The following FGD6 variants were observed in gnomAD, a reference collection of about 807,000 sequenced individuals.
The protein encoded by FGD6 is FYVE, RhoGEF and PH domain-containing protein 6.
FGD6 carries 90 observed loss-of-function variants against 149.4 expected under a neutral mutation model. The observed-to-expected ratio is 0.60, with a 90% confidence interval of 0.51 to 0.72. The LOEUF (loss-of-function observed/expected upper bound fraction) is 0.72. FGD6 is among the 30% of genes least tolerant of loss of function. FGD6 has a pLI of 0.00. For missense variants in FGD6, 1,437 were observed against 1,684.8 expected, an observed-to-expected ratio of 0.85 and a Z score of 2.57; for synonymous variants, 527 against 584.0, an observed-to-expected ratio of 0.90 and a Z score of 1.41.
intron 2 of FGD6, among the ~76,000 whole-genome samples, chr12:95,182,140 A>G (rs934904008): frequency 5.9e-5 from 9 of 151,826 alleles, no homozygotes; most frequent in Admixed American, 3.9e-4. Context: ...GCCATTAGAA[A>G]TAAATAATGA....
At chr12:95,180,917 T>C (rs1881264239) in intron 2 of FGD6, among the ~76,000 whole-genome samples, 2 of 151,996 alleles carry the variant, frequency 1.3e-5, no homozygotes, top group South Asian at 4.1e-4. Context: ...ATTAAAGATA[T>C]TTTCTCCTGT....
chr12:95,194,761 G>C (rs890127441), intron 2 of FGD6, among the ~76,000 whole-genome samples: 3 of 152,128 alleles, frequency 2.0e-5, no homozygotes, highest in Non-Finnish European at 4.4e-5. Flanking sequence ...CTAAAGATCA[G>C]TGTGGATTCT....
intron 19 of FGD6, among the ~76,000 whole-genome samples, chr12:95,085,300 T>C (rs1877824427): frequency 1.3e-5 from 2 of 148,398 alleles, no homozygotes; most frequent in South Asian, 4.3e-4. Context: ...CTGCAACCTC[T>C]GCCTCCCGGG....
intron 15 of FGD6, 36 bp from the exon 16 acceptor site, chr12:95,092,881 C>A: frequency 1.3e-6 from 2 of 1,573,282 alleles, no homozygotes; most frequent in South Asian, 2.3e-5. Context: ...TATCTCCATG[C>A]ACACTGCCTG....
At chr12:95,085,426 C>G (rs1456256718) in intron 19 of FGD6, 1 of 229,338 alleles carries the variant, frequency 4.4e-6, no homozygotes, top group African/African-American at 2.3e-5. Context: ...TAGTCTCGAA[C>G]TCCTGACCTC....
chr12:95,166,987 G>T (rs1025067137), intron 3 of FGD6, among the ~76,000 whole-genome samples: 1 of 151,258 alleles, frequency 6.6e-6, no homozygotes, highest in Non-Finnish European at 1.5e-5. Context: ...CTCCCAAGTA[G>T]CTGGAATTAC....
chr12:95,191,730 C>A (rs1158390893), intron 2 of FGD6, among the ~76,000 whole-genome samples: 1 of 152,062 alleles, frequency 6.6e-6, no homozygotes, highest in Admixed American at 6.6e-5. Context: ...CATATATCCT[C>A]CTGTATACTT....
At chr12:95,181,931 G>A (rs1200054039) in intron 2 of FGD6, among the ~76,000 whole-genome samples, 7 of 142,948 alleles carry the variant, frequency 4.9e-5, no homozygotes, top group South Asian at 2.2e-4. Context: ...GAGACACAGC[G>A]AGATTCTCTC....
intron 2 of FGD6, among the ~76,000 whole-genome samples, chr12:95,174,270 G>A (rs1341573228): frequency 2.0e-5 from 3 of 152,182 alleles, no homozygotes; most frequent in Admixed American, 6.5e-5. Flanking sequence ...ATTAGCGAGA[G>A]CAAATGAGAG....
chr12:95,134,818 A>T lies in FGD6; in HGVS notation c.3003T>A (p.Pro1001=). 6.2e-7 allele frequency: 1 copy of T among 1,612,546 alleles called. No homozygotes were observed. The highest frequency in any genetic ancestry group is 1.3e-5 in the African/African-American group (1 of 75,028). Residue 1001 remains proline (P), a synonymous_variant, in exon 8 of 21, where the codon CCT becomes CCA. Transcript: ENST00000343958. ...AAVVREFEMS[P]RCANLALKHY... ...GCTTGAGGGCCAGATTAGCACAGCG[A>T]GGGCTCATCTGAAAGGAGAAGGCAT... is the stretch of plus-strand genomic sequence containing the variant.
intron 2 of FGD6, among the ~76,000 whole-genome samples, chr12:95,206,372 A>C (rs1477113757): frequency 2.6e-5 from 4 of 152,144 alleles, no homozygotes; most frequent in Admixed American, 2.0e-4. Context: ...AGCAATCCTG[A>C]AAACAGACAA....
At chr12:95,123,748 G>A (rs942190710) in intron 8 of FGD6, among the ~76,000 whole-genome samples, 8 of 151,912 alleles carry the variant, frequency 5.3e-5, no homozygotes. Flanking sequence ...ATTTTTAGTA[G>A]AGATGGGGTT....
Position 95,085,810 on chromosome 12 carries a change from A to T in FGD6, c.4077T>A (p.Asn1359Lys), listed in dbSNP as rs1232214590. The T allele has an allele frequency of 1.9e-6, 3 of 1,613,756 alleles. No homozygotes were observed. Among genetic ancestry groups the T allele is most frequent in the East Asian group, 2.2e-5 (1 of 44,834 alleles). Residue 1359 changes from asparagine (N) to lysine (K), a missense_variant, in exon 19 of 21, where the codon AAT (asparagine) becomes AAA (lysine). By Grantham distance (94) the Asn-to-Lys change is moderately conservative. This residue lies in a region of FGD6 where 382 missense variants were observed against 538.7 expected (regional missense o/e 0.71). Transcript: ENST00000343958. ...TTGCAGCATATGTATATAGTACTTT[A>T]TTTTTTATGACAAACCAAAAGTGTT... ...PWKHFWFVIK[N>K]KVLYTYAASE...
At chr12:95,094,749 T>C (rs1248608191) in intron 14 of FGD6, 55 bp from the exon 15 acceptor site, 54 of 1,297,478 alleles carry the variant, frequency 4.2e-5, no homozygotes, top group Non-Finnish European at 5.6e-5. Flanking sequence ...TCTTTTCCTT[T>C]TTCTTCTTTT....
At chr12:95,083,028 T>C (rs11107887) in intron 20 of FGD6, among the ~76,000 whole-genome samples, 8 of 67,852 alleles carry the variant, frequency 1.2e-4, no homozygotes, top group South Asian at 1.0e-3. Context: ...TATATATATA[T>C]ATACACACAC....
At chr12:95,083,030 T>TATATACACACAC (rs772685891) in intron 20 of FGD6, among the ~76,000 whole-genome samples, 2 of 56,596 alleles carry the variant, frequency 3.5e-5, no homozygotes, top group African/African-American at 1.6e-4. Flanking sequence ...TATATATATA[T>TATATACACACAC]ACACACACAT....
chr12:95,198,084 T>A (rs1881775590), intron 2 of FGD6, among the ~76,000 whole-genome samples: 1 of 152,220 alleles, frequency 6.6e-6, no homozygotes, highest in Admixed American at 6.5e-5. Context: ...ACAGAAATAG[T>A]TTGTCCCTTG....
chr12:95,109,660 C>T (rs1462264256), intron 9 of FGD6, among the ~76,000 whole-genome samples: 1 of 152,026 alleles, frequency 6.6e-6, no homozygotes, highest in Middle Eastern at 3.2e-3. Context: ...CTCAGGAGAT[C>T]GAGACCAGCC....
At chr12:95,181,691 C>T (rs1299554593) in intron 2 of FGD6, among the ~76,000 whole-genome samples, 9 of 152,308 alleles carry the variant, frequency 5.9e-5, no homozygotes, top group Admixed American at 1.3e-4. Context: ...CAGTGGCTCA[C>T]GCCTGTAATC....
Sources: allele counts gnomAD v4.1 joint callset (sites outside exome capture counted in the v4.1 genomes callset), GRCh38; gene constraint gnomAD v4.1.1; regional missense constraint gnomAD v4.1.1; transcripts MANE v1.5; gene names NCBI Gene and HGNC (gene_info 2026-07-23, HGNC 2026-07-21).